Variants in BANP observed in about 807,000 individuals in gnomAD.
The protein encoded by BANP is BTG3 associated nuclear protein, also known as protein BANP.
A neutral mutation model predicts 68.1 loss-of-function variants in BANP; 11 were observed. The observed-to-expected ratio is 0.16, with a 90% confidence interval of 0.10 to 0.27. The LOEUF (loss-of-function observed/expected upper bound fraction) is 0.27, where lower values mean the gene tolerates loss of function less well. Among genes scored for constraint, BANP ranks in the 10% least tolerant of loss-of-function variants. BANP has a pLI of 1.00. For missense variants in BANP, 504 were observed against 722.7 expected, an observed-to-expected ratio of 0.70 and a Z score of 3.47; for synonymous variants, 329 against 303.2, an observed-to-expected ratio of 1.09 and a Z score of -0.88.
chr16:87,949,302 G>A (rs2056609817), upstream of BANP: 1 of 152,214 alleles, frequency 6.6e-6, no homozygotes, highest in Admixed American at 6.5e-5. Context: ...GTGTTTTCAA[G>A]CCAGATATTC....
intron 11 of BANP, among the ~76,000 whole-genome samples, chr16:88,050,484 G>A (rs1325957307): frequency 6.6e-6 from 1 of 152,080 alleles, no homozygotes; most frequent in African/African-American, 2.4e-5. Context: ...TAATAGCTGT[G>A]CCTCTTTAAG....
chr16:87,988,213 A>G (rs1055436037), intron 4 of BANP, among the ~76,000 whole-genome samples: 9 of 152,230 alleles, frequency 5.9e-5, no homozygotes, highest in African/African-American at 2.2e-4. Context: ...CTCCAAAGTT[A>G]AAAATTGATT....
At chr16:87,964,089 A>G (rs892847739) in intron 1 of BANP, among the ~76,000 whole-genome samples, 9 of 152,236 alleles carry the variant, frequency 5.9e-5, no homozygotes, top group Non-Finnish European at 2.9e-5. Context: ...GAGTAGTTAG[A>G]TTAGTAACTT....
At position 88,057,597 on chromosome 16, in the gene BANP, G is replaced by C. The variant is rs1234888196; in HGVS notation, c.1312-7670G>C. On this transcript the variant is annotated intron_variant, in intron 11 of 13. Coordinates refer to ENST00000682872, the MANE Select transcript of BANP (RefSeq NM_001386991.1). This position sits in a 1 kb window ranked among gnomAD's most constrained non-coding sequence, Gnocchi z 4.6. The stretch of plus-strand genomic sequence containing the variant: ...ATGCAAAATGCAGGCACTCTGACTG[G>C]CCCACGTTGTGTAAAATTGGAAGAA... 3.9e-5 allele frequency among the ~76,000 whole-genome samples: 6 copies of C among 152,248 alleles called. No homozygotes were observed. In the East Asian group the frequency reaches 1.2e-3, roughly 29 times the overall value.
intron 13 of BANP, among the ~76,000 whole-genome samples, chr16:88,074,721 C>T (rs889532424): frequency 6.6e-5 from 10 of 152,028 alleles, no homozygotes; most frequent in African/African-American, 2.2e-4. Flanking sequence ...TGGCCTTCAG[C>T]CACCCACCCC....
chr16:87,964,446 TGCAGGAGGC>T (rs2059692840), intron 1 of BANP, among the ~76,000 whole-genome samples: 1 of 19,222 alleles, frequency 5.2e-5, no homozygotes, highest in Non-Finnish European at 1.2e-4. Flanking sequence ...CCAGGAGGCG[TGCAGGAGGC>T]GTGCAGGGGT....
At position 88,064,209 on chromosome 16, in the gene BANP, G is replaced by A. The variant is rs535803826; in HGVS notation, c.1312-1058G>A. On this transcript the variant is annotated intron_variant, in intron 11 of 13. Transcript: ENST00000682872. The surrounding 1 kb of genome is among the most constrained non-coding windows in gnomAD (Gnocchi z 4.5). The stretch of plus-strand genomic sequence containing the variant: ...GGGCTTGAGAGGCGCAGGGGAGCAG[G>A]GGGGGAGAGTGGACAGCGAGGCGGT... Among the ~76,000 whole-genome samples, 10 of 152,100 alleles carry A rather than the reference G, an allele frequency of 6.6e-5. No individual in the cohort carries two copies. In the South Asian group the frequency reaches 1.0e-3, roughly 16 times the overall value.
At chr16:87,967,823 A>G (rs1278383220) in intron 1 of BANP, among the ~76,000 whole-genome samples, 1 of 151,062 alleles carries the variant, frequency 6.6e-6, no homozygotes, top group Non-Finnish European at 1.5e-5. Context: ...GCGTTTCACC[A>G]TGTTGGTTAG....
At chr16:88,037,293 C>G (rs1445984834) in intron 10 of BANP, 1 of 152,182 alleles carries the variant, frequency 6.6e-6, no homozygotes, top group South Asian at 2.1e-4. Context: ...GATTGTCTTT[C>G]GTTTTCAATA....
intron 9 of BANP, among the ~76,000 whole-genome samples, chr16:88,034,225 A>G (rs998474379): frequency 2.0e-5 from 3 of 152,210 alleles, no homozygotes; most frequent in Admixed American, 2.0e-4. Context: ...ATCTTATTTA[A>G]TAAGCTTATT....
chr16:87,969,611 C>CA (rs2060746342), intron 1 of BANP, among the ~76,000 whole-genome samples: 1 of 150,992 alleles, frequency 6.6e-6, no homozygotes, highest in African/African-American at 2.4e-5. Context: ...CAGCTCACTG[C>CA]AACCTCTGCC....
At chr16:87,967,832 A>G (rs2060344440) in intron 1 of BANP, among the ~76,000 whole-genome samples, 2 of 151,886 alleles carry the variant, frequency 1.3e-5, no homozygotes, top group African/African-American at 4.8e-5. Context: ...CATGTTGGTT[A>G]GGCTGGTCTC....
chr16:88,014,688 C>T (rs1320766979), intron 6 of BANP, among the ~76,000 whole-genome samples: 3 of 152,010 alleles, frequency 2.0e-5, no homozygotes, highest in Non-Finnish European at 2.9e-5. Flanking sequence ...ACACCATCCT[C>T]GCACTGGTCC....
chr16:87,968,115 A>G (rs931845779), intron 1 of BANP, among the ~76,000 whole-genome samples: 4 of 151,490 alleles, frequency 2.6e-5, no homozygotes, highest in African/African-American at 4.9e-5. Flanking sequence ...GCAATCTGTG[A>G]CCCCAAAACG....
chr16:87,952,875 A>C (rs1298723343), intron 1 of BANP: 1 of 152,086 alleles, frequency 6.6e-6, no homozygotes, highest in Non-Finnish European at 1.5e-5. Context: ...CCCTGGCTCA[A>C]GTGATCCTCC....
At chr16:87,972,416 G>T (rs6540130) in intron 1 of BANP, among the ~76,000 whole-genome samples, 3 of 151,048 alleles carry the variant, frequency 2.0e-5, no homozygotes, top group African/African-American at 4.9e-5. Context: ...AATTATCAGG[G>T]TATAGTTTTT....
intron 6 of BANP, among the ~76,000 whole-genome samples, chr16:88,006,947 CAAAAAAAAAAA>C (rs11349895): frequency 1.2e-5 from 1 of 81,676 alleles, no homozygotes. Context: ...GACTCTGTCT[CAAAAAAAAAAA>C]AAAAAAAAAA....
chr16:88,076,656 C>A lies in BANP; in HGVS notation c.1588C>A (p.Gln530Lys). ...GCTCGAGCACGGGGCCATCCAGATT[C>A]AGTGAGCGGTGCCCATGGCACCAGG... is the stretch of plus-strand genomic sequence containing the variant. Reference protein sequence around the residue: ...MQLEHGAIQIQ With the variant: ...MQLEHGAIQIK Residue 530 changes from glutamine to lysine, a missense_variant, in exon 14 of 14, where the codon CAG becomes AAG. Transcript: ENST00000682872. 6.2e-7 allele frequency: 1 copy of A among 1,608,260 alleles called. No homozygotes were observed. Among genetic ancestry groups the A allele is most frequent in the East Asian group, 2.2e-5 (1 of 44,858 alleles).
At chr16:87,950,717 T>A (rs1167193855), upstream of BANP, 2 of 152,312 alleles carry the variant, frequency 1.3e-5, no homozygotes, top group Admixed American at 6.5e-5. Context: ...ATTACAGGCG[T>A]GATCCACCGT....
Sources: allele counts gnomAD v4.1 joint callset (sites outside exome capture counted in the v4.1 genomes callset), GRCh38; gene constraint gnomAD v4.1.1; non-coding constraint Gnocchi (gnomAD v3.1); transcripts MANE v1.5; gene names NCBI Gene and HGNC (gene_info 2026-07-23, HGNC 2026-07-21).